The following NAALADL2 variants were observed in gnomAD, a reference collection of about 807,000 sequenced individuals.
NAALADL2 encodes the protein inactive N-acetylated-alpha-linked acidic dipeptidase-like protein 2.
In NAALADL2, 76 loss-of-function variants were observed where a neutral mutation model predicts 87.2. The observed-to-expected ratio is 0.87, with a 90% confidence interval of 0.72 to 1.05. The LOEUF is 1.05. Ranked by LOEUF, NAALADL2 falls within the 50% of genes least tolerant of loss-of-function variation. NAALADL2 has a pLI of 0.00. For missense variants in NAALADL2, 1,089 were observed against 945.8 expected (o/e 1.15, Z -1.99); for synonymous variants, 354 against 331.0 (o/e 1.07, Z -0.75).
chr3:174,469,357 A>G (rs1716751533), intron 1 of NAALADL2, among the ~76,000 whole-genome samples: 2 of 151,542 alleles, frequency 1.3e-5, no homozygotes, highest in South Asian at 4.2e-4. Flanking sequence ...TCCCGGGTTC[A>G]AGCGGTTCTT....
intron 4 of NAALADL2, among the ~76,000 whole-genome samples, chr3:175,268,057 C>T (rs1054126402): frequency 6.6e-6 from 1 of 152,142 alleles, no homozygotes; most frequent in Non-Finnish European, 1.5e-5. Context: ...TTGAATAATA[C>T]AGGCATGCAT....
At chr3:174,809,211 A>G (rs1020167002) in intron 3 of NAALADL2, among the ~76,000 whole-genome samples, 1 of 152,180 alleles carries the variant, frequency 6.6e-6, no homozygotes, top group Admixed American at 6.6e-5. Context: ...GCAGTCAGAT[A>G]TAGAAACAGT....
intron 12 of NAALADL2, among the ~76,000 whole-genome samples, chr3:175,754,271 A>G (rs533273955): frequency 1.3e-5 from 2 of 152,328 alleles, no homozygotes; most frequent in East Asian, 1.9e-4. Context: ...CCAATATCAC[A>G]TAGATACTAA....
chr3:174,526,678 CTTTTTTTT>C (rs11333906), intron 1 of NAALADL2, among the ~76,000 whole-genome samples: 1 of 138,318 alleles, frequency 7.2e-6, no homozygotes, highest in Non-Finnish European at 1.6e-5. Flanking sequence ...TTTTCTTTTT[CTTTTTTTT>C]TTTTTTTGAG....
At chr3:175,113,759 T>A (rs569735270) in intron 2 of NAALADL2, among the ~76,000 whole-genome samples, 61 of 151,704 alleles carry the variant, frequency 4.0e-4, no homozygotes, top group African/African-American at 1.3e-3. Context: ...ATCCCCAATT[T>A]TTTTTATGCT....
At chr3:175,652,613 G>C (rs1442270024) in intron 11 of NAALADL2, among the ~76,000 whole-genome samples, 3 of 151,212 alleles carry the variant, frequency 2.0e-5, no homozygotes, top group Non-Finnish European at 4.4e-5. Flanking sequence ...CGAGTAGCTG[G>C]GACTACAGGC....
rs368242127 is a variant in NAALADL2 at position 174,510,847 on chromosome 3, T to A, written c.-183-39722T>A. Among the ~76,000 whole-genome samples, 25 of 152,054 alleles carry A rather than the reference T, an allele frequency of 1.6e-4. No individual in the cohort carries two copies. The East Asian group carries it at 3.9e-3, about 23-fold the overall frequency. Reference sequence around the variant, plus strand: ...TCTAACATGAGCATTTAAGCCTATTTACTTCTAAGCACTGACTTAATTGCT... The same window carrying A: ...TCTAACATGAGCATTTAAGCCTATTAACTTCTAAGCACTGACTTAATTGCT... On this transcript the variant is annotated intron_variant, in intron 1 of 3. Transcript: ENST00000434257.
At chr3:174,734,926 TGAG>T (rs946142700) in intron 2 of NAALADL2, among the ~76,000 whole-genome samples, 34 of 152,114 alleles carry the variant, frequency 2.2e-4, no homozygotes. Context: ...TGTGAAAAAC[TGAG>T]GAGGAAGGAA....
intron 9 of NAALADL2, among the ~76,000 whole-genome samples, chr3:175,475,619 T>C (rs1354259609): frequency 6.6e-6 from 1 of 152,226 alleles, no homozygotes; most frequent in African/African-American, 2.4e-5. Flanking sequence ...TATTTAAATG[T>C]TGCTTTTGCA....
At chr3:175,533,606 C>G (rs1386542735) in intron 9 of NAALADL2, among the ~76,000 whole-genome samples, 1 of 152,168 alleles carries the variant, frequency 6.6e-6, no homozygotes, top group East Asian at 1.9e-4. Context: ...CATCAGGGTC[C>G]TCCCACACGT....
intron 2 of NAALADL2, among the ~76,000 whole-genome samples, chr3:175,194,161 AT>A (rs1417221755): frequency 6.6e-6 from 1 of 151,892 alleles, no homozygotes; most frequent in Admixed American, 6.6e-5. Flanking sequence ...ATATGTATAT[AT>A]TTTTAAATGC....
intron 4 of NAALADL2, among the ~76,000 whole-genome samples, chr3:175,297,946 T>C (rs994758959): frequency 6.6e-6 from 1 of 152,168 alleles, no homozygotes; most frequent in Non-Finnish European, 1.5e-5. Flanking sequence ...TTGTCTCCCA[T>C]TGAAAAGTGG....
intron 1 of NAALADL2, among the ~76,000 whole-genome samples, chr3:175,082,340 A>G (rs549308659): frequency 1.8e-4 from 28 of 152,350 alleles, no homozygotes; most frequent in African/African-American, 6.7e-4. Context: ...TATTATAAAT[A>G]TGTAGTTTAT....
chr3:175,096,495 CGTGT>C (rs3067035), intron 1 of NAALADL2, among the ~76,000 whole-genome samples: 4,012 of 143,258 alleles, frequency 0.028, 99 homozygotes, highest in African/African-American at 0.063. Context: ...ATTAATGGGG[CGTGT>C]GTGTGTGTGT....
chr3:175,581,443 A>G (rs1485647787), intron 10 of NAALADL2, among the ~76,000 whole-genome samples: 1 of 152,154 alleles, frequency 6.6e-6, no homozygotes, highest in Middle Eastern at 3.2e-3. Context: ...CTCTGTCTCT[A>G]AATAAATAAA....
At chr3:174,789,643 G>A (rs1717225846) in intron 3 of NAALADL2, among the ~76,000 whole-genome samples, 2 of 152,192 alleles carry the variant, frequency 1.3e-5, no homozygotes, top group South Asian at 2.1e-4. Flanking sequence ...CACCCAAGGA[G>A]GTAAACAGAA....
chr3:174,745,160 C>T (rs763355834), intron 3 of NAALADL2, among the ~76,000 whole-genome samples: 3 of 151,886 alleles, frequency 2.0e-5, no homozygotes. Flanking sequence ...AGTCCAGGAG[C>T]TGGTTTTTGA....
At chr3:175,326,529 C>A (rs62287014) in intron 5 of NAALADL2, among the ~76,000 whole-genome samples, 6 of 152,052 alleles carry the variant, frequency 3.9e-5, no homozygotes, top group Admixed American at 2.6e-4. Context: ...TAGCAAGAAC[C>A]GCACTTCTGG....
chr3:174,902,338 A>G (rs1184022247), intron 1 of NAALADL2, among the ~76,000 whole-genome samples: 1 of 152,170 alleles, frequency 6.6e-6, no homozygotes, highest in African/African-American at 2.4e-5. Flanking sequence ...AACAGGTTAG[A>G]AATAATGTAT....
Sources: allele counts gnomAD v4.1 joint callset (sites outside exome capture counted in the v4.1 genomes callset), GRCh38; gene constraint gnomAD v4.1.1; transcripts MANE v1.5; gene names NCBI Gene and HGNC (gene_info 2026-07-23, HGNC 2026-07-21).